TRAPPC9: variants seen among roughly 807,000 people sequenced by gnomAD.
The protein encoded by TRAPPC9 is IKK2 binding protein.
Under a neutral mutation model 124.0 loss-of-function variants are expected in TRAPPC9, and 83 were observed. That is an observed-to-expected ratio of 0.67 (90% confidence interval 0.56 to 0.80). TRAPPC9 has a LOEUF of 0.80. TRAPPC9 is among the 30% of genes least tolerant of loss of function. The pLI is 0.00. For synonymous variants in TRAPPC9, 638 were observed against 617.5 expected, an observed-to-expected ratio of 1.03 and a Z score of -0.49; for missense variants, 1,302 against 1,508.3, an observed-to-expected ratio of 0.86 and a Z score of 2.27.
intron 17 of TRAPPC9, among the ~76,000 whole-genome samples, chr8:140,147,439 G>A (rs1193291623): frequency 4.6e-5 from 7 of 152,190 alleles, no homozygotes; most frequent in East Asian, 1.9e-4. Flanking sequence ...CCTTGTTCCC[G>A]GCATGAAGAC....
intron 17 of TRAPPC9, among the ~76,000 whole-genome samples, chr8:140,144,859 C>T (rs949313794): frequency 6.6e-5 from 10 of 151,962 alleles, no homozygotes; most frequent in African/African-American, 1.9e-4. Context: ...TAGAGGAAAC[C>T]TGTTGAACTC....
chr8:140,324,125 C>T (rs557602115), intron 9 of TRAPPC9, among the ~76,000 whole-genome samples: 60 of 152,040 alleles, frequency 3.9e-4, no homozygotes, highest in African/African-American at 8.4e-4. Context: ...ATCCCACTTA[C>T]GAGTGAGAAC....
chr8:140,419,130 A>T (rs1336618325), intron 5 of TRAPPC9, among the ~76,000 whole-genome samples: 1 of 147,762 alleles, frequency 6.8e-6, no homozygotes, highest in Non-Finnish European at 1.5e-5. Flanking sequence ...CGTCTCTACT[A>T]AAAATACAAC....
chr8:139,781,208 T>A (rs1310714962), intron 21 of TRAPPC9, among the ~76,000 whole-genome samples: 1 of 152,192 alleles, frequency 6.6e-6, no homozygotes, highest in African/African-American at 2.4e-5. Flanking sequence ...AAAACCTACA[T>A]GTGGATGTTT....
Position 140,439,203 on chromosome 8 carries a change from A to C in TRAPPC9, c.585-6T>G. ...GGCACCGCTTCTTGTAATGTCTAGA[A>C]AATACATGAAAATGTATCTTTATTA... On this transcript the variant is annotated splice_region_variant and splice_polypyrimidine_tract_variant and intron_variant, in intron 2 of 22. Coordinates refer to ENST00000438773, the MANE Select transcript of TRAPPC9 (RefSeq NM_001160372.4). 6.2e-7 allele frequency: 1 copy of C among 1,613,960 alleles called. No homozygotes were observed.
chr8:139,997,222 T>G (rs1288346027), intron 18 of TRAPPC9, among the ~76,000 whole-genome samples: 1 of 150,680 alleles, frequency 6.6e-6, no homozygotes, highest in Non-Finnish European at 1.5e-5. Context: ...CATTCTACAC[T>G]AGGGAGACAG....
At chr8:140,067,756 G>A (rs962359772) in intron 17 of TRAPPC9, among the ~76,000 whole-genome samples, 3 of 152,292 alleles carry the variant, frequency 2.0e-5, no homozygotes, top group African/African-American at 7.2e-5. Flanking sequence ...TTCTCTATAT[G>A]TGTTATTAAC....
At chr8:139,871,437 C>T (rs1258442503) in intron 21 of TRAPPC9, among the ~76,000 whole-genome samples, 1 of 152,198 alleles carries the variant, frequency 6.6e-6, no homozygotes, top group East Asian at 1.9e-4. Context: ...TATACTGTGT[C>T]TCTCATTTCC....
rs552273999 is a variant in TRAPPC9, at chr8:140,042,618, C to T, written c.2557-18539G>A. Among the ~76,000 whole-genome samples, 43 of 152,340 alleles carry T rather than the reference C, an allele frequency of 2.8e-4. No individual in the cohort carries two copies. In the South Asian group the frequency reaches 8.1e-3, roughly 29 times the overall value. On this transcript the variant is annotated intron_variant, in intron 17 of 22. Coordinates refer to ENST00000438773, the MANE Select transcript of TRAPPC9 (RefSeq NM_001160372.4). ...GAGCCTAGCTGACCTCCTTCACCTA[C>T]GCTTGCTCTCCACGGCCCTGTGGAG...
At position 140,023,955 on chromosome 8, in the gene TRAPPC9, C is replaced by T. The variant is rs34181302; in HGVS notation, c.2681G>A (p.Ser894Asn). ...VEPSVFFTRV[S>N]TLPATSTRQC... Reference sequence around the variant, plus strand: ...CATTTACCTGGTTGCTGGGAGGGTGCTGACTCGGGTGAAAAATACAGACGG... The same window carrying T: ...CATTTACCTGGTTGCTGGGAGGGTGTTGACTCGGGTGAAAAATACAGACGG... The change falls in exon 18 of 23, where the codon AGC (serine) becomes AAC (asparagine). Residue 894 changes from serine to asparagine, a missense_variant. Physicochemically the swap from Ser to Asn is conservative, Grantham distance 46. This residue lies in a region of TRAPPC9 where 640 missense variants were observed against 679.3 expected (regional missense o/e 0.94). Coordinates refer to ENST00000438773, the MANE Select transcript of TRAPPC9 (RefSeq NM_001160372.4). The T allele has an allele frequency of 5.9e-5, 96 of 1,614,020 alleles. No individual in the cohort carries two copies. The African/African-American group carries it at 9.1e-4, about 15-fold the overall frequency.
chr8:140,043,762 G>A (rs1421941499), intron 17 of TRAPPC9, among the ~76,000 whole-genome samples: 1 of 152,104 alleles, frequency 6.6e-6, no homozygotes, highest in Non-Finnish European at 1.5e-5. Context: ...GCTGGTCCAG[G>A]GACCACACTT....
At chr8:139,908,260 C>A (rs1279050067) in intron 20 of TRAPPC9, among the ~76,000 whole-genome samples, 1 of 152,178 alleles carries the variant, frequency 6.6e-6, no homozygotes, top group East Asian at 1.9e-4. Context: ...TGCACCTGCC[C>A]CTTCCTCCAC....
intron 21 of TRAPPC9, among the ~76,000 whole-genome samples, chr8:139,760,835 A>G (rs1049897607): frequency 6.6e-6 from 1 of 152,162 alleles, no homozygotes; most frequent in Non-Finnish European, 1.5e-5. Context: ...CACGGGAAAG[A>G]CCTTACCCCA....
intron 18 of TRAPPC9, among the ~76,000 whole-genome samples, chr8:140,016,459 C>T (rs7013574): frequency 0.017 from 2,587 of 152,264 alleles, 66 homozygotes; most frequent in African/African-American, 0.059. Context: ...CCCACGTTAC[C>T]TTAACCCAGA....
chr8:139,833,198 AC>A (rs1188196065), intron 21 of TRAPPC9, among the ~76,000 whole-genome samples: 1 of 152,162 alleles, frequency 6.6e-6, no homozygotes, highest in East Asian at 1.9e-4. Context: ...CCTGATGAGA[AC>A]CCAGTCTGAC....
At chr8:139,872,206 G>C (rs1480777739) in intron 21 of TRAPPC9, among the ~76,000 whole-genome samples, 4 of 132,414 alleles carry the variant, frequency 3.0e-5, no homozygotes, top group African/African-American at 1.1e-4. Flanking sequence ...GTGAGTAAAT[G>C]GTTGGATGGA....
At chr8:140,180,060 T>C (rs1055880374) in intron 17 of TRAPPC9, among the ~76,000 whole-genome samples, 1 of 143,508 alleles carries the variant, frequency 7.0e-6, no homozygotes, top group Non-Finnish European at 1.5e-5. Flanking sequence ...TCTTAGGTCA[T>C]TTACACTTAA....
At chr8:140,086,845 T>C (rs970014745) in intron 17 of TRAPPC9, among the ~76,000 whole-genome samples, 5 of 151,938 alleles carry the variant, frequency 3.3e-5, no homozygotes, top group African/African-American at 1.2e-4. Context: ...TGAAGGAGAA[T>C]TGCTTGAACC....
intron 21 of TRAPPC9, among the ~76,000 whole-genome samples, chr8:139,789,006 T>C (rs186873921): frequency 5.3e-5 from 8 of 152,316 alleles, no homozygotes; most frequent in Admixed American, 5.2e-4. Flanking sequence ...TCCATGAAGA[T>C]GCAAACAAAT....
Sources: allele counts gnomAD v4.1 joint callset (sites outside exome capture counted in the v4.1 genomes callset), GRCh38; gene constraint gnomAD v4.1.1; regional missense constraint gnomAD v4.1.1; transcripts MANE v1.5; gene names NCBI Gene and HGNC (gene_info 2026-07-23, HGNC 2026-07-21).